Variants in TENM3 observed in about 807,000 individuals in gnomAD.
TENM3 encodes teneurin transmembrane protein 3, also known as teneurin-3.
Under a neutral mutation model 255.1 loss-of-function variants are expected in TENM3, and 63 were observed. That is an observed-to-expected ratio of 0.25 (90% CI 0.20 to 0.30). The LOEUF is 0.30. Among genes scored for constraint, TENM3 ranks in the 10% least tolerant of loss-of-function variants. The pLI, the probability that TENM3 is intolerant of heterozygous loss-of-function variation, is 1.00. For missense variants in TENM3, 2,929 were observed against 3,461.1 expected (o/e 0.85, Z 3.86); for synonymous variants, 1,306 against 1,322.3 (o/e 0.99, Z 0.27).
rs187228305 is a variant in TENM3, at chr4:182,492,929, A to G, written c.512-107995A>G. On this transcript the variant is annotated intron_variant, in intron 3 of 27. Transcript: ENST00000511685. Reference sequence around the variant, plus strand: ...ACAGTCAAAAGCCAAATTGTCAGCAAAGGATATTACAAGGATAGGTATTTT... The same window carrying G: ...ACAGTCAAAAGCCAAATTGTCAGCAGAGGATATTACAAGGATAGGTATTTT... Among the ~76,000 whole-genome samples the G allele has an allele frequency of 2.0e-3, 300 of 152,232 alleles. 1 individual carries two copies. The highest frequency in any genetic ancestry group is 7.0e-3 in the African/African-American group (289 of 41,542).
At chr4:181,779,536 A>G in the TENM3 span, among the ~76,000 whole-genome samples, 1 of 151,998 alleles carries the variant, frequency 6.6e-6, no homozygotes. Flanking sequence ...TTTCAATTTT[A>G]TATTATAATT....
At chr4:182,239,966 A>T (rs1757138554), upstream of TENM3, among the ~76,000 whole-genome samples, 1 of 152,222 alleles carries the variant, frequency 6.6e-6, no homozygotes, top group South Asian at 2.1e-4. Context: ...TTCAGGAAGA[A>T]ATTTCACAAA....
At chr4:182,639,753 G>A (rs1752136014) in intron 5 of TENM3, among the ~76,000 whole-genome samples, 1 of 152,180 alleles carries the variant, frequency 6.6e-6, no homozygotes, top group South Asian at 2.1e-4. Context: ...CTCAGCAGAT[G>A]TTAGCCATCT....
chr4:181,529,754 G>A, the TENM3 span, among the ~76,000 whole-genome samples: 5 of 152,158 alleles, frequency 3.3e-5, no homozygotes, highest in Non-Finnish European at 5.9e-5. Flanking sequence ...GCAAACATTC[G>A]CGAGATGGCT....
chr4:182,800,184 G>C lies in TENM3; in HGVS notation c.7933G>C (p.Glu2645Gln), dbSNP rs1766831121. ...REQQRVRDGE[E>Q]GARLWTEGEK... ...GCAGCAGCGCGTGCGCGACGGCGAG[G>C]AGGGCGCGCGCCTCTGGACGGAGGG... Residue 2645 changes from glutamate (E) to glutamine (Q), a missense_variant, in exon 28 of 28, where the codon GAG becomes CAG. By Grantham distance (29) the Glu-to-Gln change is conservative. Coordinates refer to ENST00000511685, the MANE Select transcript of TENM3 (RefSeq NM_001080477.4). 1 of 1,539,508 alleles carries C rather than the reference G, an allele frequency of 6.5e-7. No individual in the cohort carries two copies. Among genetic ancestry groups the C allele is most frequent in the African/African-American group, 1.4e-5 (1 of 70,576 alleles).
At chr4:182,264,271 C>T (rs1759082397) in intron 1 of TENM3, among the ~76,000 whole-genome samples, 1 of 152,220 alleles carries the variant, frequency 6.6e-6, no homozygotes, top group East Asian at 1.9e-4. Flanking sequence ...CACCTGCAAG[C>T]CCGCTTTTCA....
chr4:181,467,737 C>A, the TENM3 span, among the ~76,000 whole-genome samples: 3 of 152,054 alleles, frequency 2.0e-5, no homozygotes, highest in Admixed American at 2.0e-4. Flanking sequence ...AAGAAAGAAG[C>A]AGCTGAGGAC....
At chr4:181,469,783 A>G in the TENM3 span, among the ~76,000 whole-genome samples, 1 of 152,178 alleles carries the variant, frequency 6.6e-6, no homozygotes, top group Admixed American at 6.5e-5. Context: ...TTCTTATTCA[A>G]AATGAACAAG....
At chr4:182,114,936 C>T in the TENM3 span, among the ~76,000 whole-genome samples, 14 of 152,126 alleles carry the variant, frequency 9.2e-5, no homozygotes, top group Admixed American at 5.9e-4. Flanking sequence ...AATTCCAGCA[C>T]TTTGCAAGAC....
At chr4:182,773,952 C>A in intron 23 of TENM3, 1 of 211,070 alleles carries the variant, frequency 4.7e-6, no homozygotes, top group Non-Finnish European at 9.4e-6. Context: ...AAGAGTTTTC[C>A]AGAGCAGGTC....
At chr4:182,036,621 C>T in the TENM3 span, among the ~76,000 whole-genome samples, 4 of 152,150 alleles carry the variant, frequency 2.6e-5, no homozygotes, top group Non-Finnish European at 5.9e-5. Context: ...ATATTACAAA[C>T]ACTTTTCAAA....
At chr4:182,098,963 C>T in the TENM3 span, among the ~76,000 whole-genome samples, 26,928 of 129,954 alleles carry the variant, frequency 0.21, 2,746 homozygotes, top group African/African-American at 0.24. Context: ...CTCTTTTTTT[C>T]TTTTTTTTTT....
the TENM3 span, among the ~76,000 whole-genome samples, chr4:181,855,745 T>G: frequency 6.6e-6 from 1 of 151,998 alleles, no homozygotes; most frequent in Admixed American, 6.6e-5. Context: ...ATGGAGTGTT[T>G]GTCATATTAA....
chr4:182,519,340 A>T (rs1038669894), intron 3 of TENM3, among the ~76,000 whole-genome samples: 1 of 152,224 alleles, frequency 6.6e-6, no homozygotes, highest in Non-Finnish European at 1.5e-5. Context: ...TGGTTCATTT[A>T]TATCTCTGTT....
the TENM3 span, among the ~76,000 whole-genome samples, chr4:182,034,869 G>T: frequency 1.3e-5 from 2 of 152,070 alleles, no homozygotes; most frequent in Non-Finnish European, 2.9e-5. Flanking sequence ...TCTTGGGGTT[G>T]ATCTTCTCAT....
At chr4:181,896,849 A>G in the TENM3 span, among the ~76,000 whole-genome samples, 2 of 152,150 alleles carry the variant, frequency 1.3e-5, no homozygotes, top group African/African-American at 4.8e-5. Flanking sequence ...TAATTCCAGG[A>G]GGCCTTGCCT....
At chr4:182,522,773 A>C (rs762196298) in intron 3 of TENM3, among the ~76,000 whole-genome samples, 1 of 152,180 alleles carries the variant, frequency 6.6e-6, no homozygotes, top group African/African-American at 2.4e-5. Context: ...TACACGTGGG[A>C]GTACAGATAT....
chr4:182,032,679 T>G, the TENM3 span, among the ~76,000 whole-genome samples: 1 of 152,320 alleles, frequency 6.6e-6, no homozygotes, highest in South Asian at 2.1e-4. Flanking sequence ...ATCTATCTGG[T>G]CCTGGATTTT....
the TENM3 span, among the ~76,000 whole-genome samples, chr4:181,734,869 G>C: frequency 6.6e-6 from 1 of 152,046 alleles, no homozygotes; most frequent in Admixed American, 6.6e-5. Context: ...GAAATGGCTT[G>C]ATAGAAGCAA....
Sources: gnomAD v4.1 joint callset for allele counts (sites outside exome capture counted in the v4.1 genomes callset) on GRCh38, gnomAD v4.1.1 for gene constraint, MANE v1.5 for transcripts, NCBI Gene and HGNC (gene_info 2026-07-23, HGNC 2026-07-21) for gene names.